The following LRMDA variants were observed in gnomAD, a reference collection of about 807,000 sequenced individuals.
LRMDA encodes leucine rich melanocyte differentiation associated, also known as leucine-rich melanocyte differentiation-associated protein.
In LRMDA, 18 loss-of-function variants were observed where a neutral mutation model predicts 29.8. The observed-to-expected ratio is 0.60, with a 90% CI of 0.42 to 0.90. The LOEUF (loss-of-function observed/expected upper bound fraction) is 0.90. Ranked by LOEUF, LRMDA falls within the 40% of genes least tolerant of loss-of-function variation. LRMDA has a pLI of 0.00. For synonymous variants in LRMDA, 125 were observed against 109.4 expected, an observed-to-expected ratio of 1.14 and a Z score of -0.89; for missense variants, 273 against 273.9, an observed-to-expected ratio of 1.00 and a Z score of 0.02.
chr10:75,635,867 G>A (rs1016579188), intron 2 of LRMDA, among the ~76,000 whole-genome samples: 2 of 151,548 alleles, frequency 1.3e-5, no homozygotes, highest in Admixed American at 6.6e-5. Context: ...TTGTGGGCTC[G>A]TACTGCACCC....
rs187527862 is a variant in LRMDA at position 75,668,491 on chromosome 10, G to A, written c.131+229997G>A. On this transcript the variant is annotated intron_variant, in intron 2 of 6. Transcript: ENST00000611255. ...TCAGGAAACATTTGTTGGTTGGGTC[G>A]GTGATTTATACAACCACTCTCGGTT... Among the ~76,000 whole-genome samples the A allele has an allele frequency of 3.0e-3, 459 of 152,210 alleles. 2 individuals carry two copies. The highest frequency in any genetic ancestry group is 0.011 in the African/African-American group (442 of 41,510).
intron 5 of LRMDA, among the ~76,000 whole-genome samples, chr10:76,173,116 A>G (rs1278628456): frequency 1.3e-5 from 2 of 152,214 alleles, no homozygotes; most frequent in African/African-American, 4.8e-5. Context: ...GAAAAATGCC[A>G]TGTCTAGACC....
chr10:75,640,198 AGCAT>A (rs982698827), intron 2 of LRMDA, among the ~76,000 whole-genome samples: 1 of 82,474 alleles, frequency 1.2e-5, no homozygotes, highest in African/African-American at 4.3e-5. Flanking sequence ...GTTTCATAGC[AGCAT>A]TTTTAAAGTA....
chr10:76,535,532 G>C (rs1843281576), intron 6 of LRMDA, among the ~76,000 whole-genome samples: 1 of 152,138 alleles, frequency 6.6e-6, no homozygotes, highest in African/African-American at 2.4e-5. Context: ...AAAATTGATA[G>C]AGACTTGAAA....
intron 2 of LRMDA, among the ~76,000 whole-genome samples, chr10:75,654,293 C>A (rs1456460797): frequency 6.6e-6 from 1 of 152,128 alleles, no homozygotes; most frequent in South Asian, 2.1e-4. Context: ...ACATTGGAGA[C>A]ATTACATCTT....
intron 2 of LRMDA, among the ~76,000 whole-genome samples, chr10:75,746,011 C>A (rs1170068012): frequency 6.6e-6 from 1 of 152,184 alleles, no homozygotes; most frequent in African/African-American, 2.4e-5. Context: ...GAAATGTTAA[C>A]CTCAACTACT....
chr10:76,131,346 C>T lies in LRMDA; in HGVS notation c.516+72563C>T, dbSNP rs116953392. 1.5e-4 allele frequency among the ~76,000 whole-genome samples: 23 copies of T among 152,274 alleles called. No individual in the cohort carries two copies. The East Asian group carries it at 4.4e-3, about 29-fold the overall frequency. On this transcript the variant is annotated intron_variant, in intron 5 of 6. Transcript: ENST00000611255. Reference sequence around the variant, plus strand: ...TCTCCCAGGAATCTTTCCCTAATTCCTCTCAGCCAAACAGAATCACCCCTG... The same window carrying T: ...TCTCCCAGGAATCTTTCCCTAATTCTTCTCAGCCAAACAGAATCACCCCTG...
chr10:76,508,322 T>C (rs1842978491), intron 6 of LRMDA, among the ~76,000 whole-genome samples: 1 of 152,204 alleles, frequency 6.6e-6, no homozygotes, highest in Admixed American at 6.5e-5. Flanking sequence ...TTAGCACCTG[T>C]TGGTACTTAC....
At chr10:75,950,263 A>C (rs950286483) in intron 2 of LRMDA, among the ~76,000 whole-genome samples, 4 of 152,172 alleles carry the variant, frequency 2.6e-5, no homozygotes, top group Non-Finnish European at 5.9e-5. Context: ...CCCAGGGCCA[A>C]TGGCACTCAT....
intron 2 of LRMDA, among the ~76,000 whole-genome samples, chr10:76,002,982 A>G (rs1396858320): frequency 2.0e-5 from 3 of 152,148 alleles, no homozygotes; most frequent in African/African-American, 7.2e-5. Context: ...TATTTTTGCC[A>G]TTTCCAGAAT....
At chr10:75,642,013 G>A (rs1042481049) in intron 2 of LRMDA, among the ~76,000 whole-genome samples, 2 of 152,190 alleles carry the variant, frequency 1.3e-5, no homozygotes, top group Non-Finnish European at 2.9e-5. Flanking sequence ...AACATGGGGT[G>A]GATGATATTC....
intron 6 of LRMDA, among the ~76,000 whole-genome samples, chr10:76,556,770 T>G (rs1327479652): frequency 1.3e-5 from 2 of 152,206 alleles, no homozygotes; most frequent in Admixed American, 6.5e-5. Context: ...CATTGCTTCA[T>G]GATAAAGGGT....
intron 6 of LRMDA, among the ~76,000 whole-genome samples, chr10:76,554,996 A>C (rs1843538719): frequency 6.6e-6 from 1 of 152,078 alleles, no homozygotes. Context: ...ATTAAAATTC[A>C]TGTTATCCTA....
At chr10:75,492,087 CAG>C (rs1397718461) in intron 2 of LRMDA, among the ~76,000 whole-genome samples, 1 of 152,204 alleles carries the variant, frequency 6.6e-6, no homozygotes, top group African/African-American at 2.4e-5. Flanking sequence ...TAGATACACT[CAG>C]AGAAAGGGCT....
At chr10:75,526,902 G>A (rs536254340) in intron 2 of LRMDA, among the ~76,000 whole-genome samples, 2 of 151,178 alleles carry the variant, frequency 1.3e-5, no homozygotes, top group African/African-American at 4.9e-5. Flanking sequence ...TACCATTTAA[G>A]TTATTTTAAA....
chr10:76,246,788 G>C (rs1262864781), intron 5 of LRMDA, among the ~76,000 whole-genome samples: 1 of 152,224 alleles, frequency 6.6e-6, no homozygotes, highest in Admixed American at 6.5e-5. Context: ...CCTGTGCTCT[G>C]TCTTTGCATT....
chr10:76,157,700 G>A (rs1850563850), intron 5 of LRMDA, among the ~76,000 whole-genome samples: 1 of 151,766 alleles, frequency 6.6e-6, no homozygotes, highest in African/African-American at 2.4e-5. Flanking sequence ...TCATTTTTTA[G>A]CATTAGTGAC....
At chr10:75,701,212 G>A (rs1036023271) in intron 2 of LRMDA, among the ~76,000 whole-genome samples, 3 of 152,136 alleles carry the variant, frequency 2.0e-5, no homozygotes, top group African/African-American at 7.2e-5. Context: ...GCCTGAACGC[G>A]AGAGGCTGTG....
intron 6 of LRMDA, among the ~76,000 whole-genome samples, chr10:76,479,271 A>AGAG (rs1222582394): frequency 1.3e-5 from 2 of 151,894 alleles, no homozygotes; most frequent in Non-Finnish European, 2.9e-5. Flanking sequence ...GCAAGGTCTT[A>AGAG]GAGGAGGTAC....
Sources: allele counts gnomAD v4.1 joint callset (sites outside exome capture counted in the v4.1 genomes callset), GRCh38; gene constraint gnomAD v4.1.1; transcripts MANE v1.5; gene names NCBI Gene and HGNC (gene_info 2026-07-23, HGNC 2026-07-21).